Variants in STK3 observed in about 807,000 individuals in gnomAD.
The protein encoded by STK3 is serine/threonine kinase 3, also known as serine/threonine-protein kinase 3.
In STK3, 41 loss-of-function variants were observed where a neutral mutation model predicts 58.0. That is an observed-to-expected ratio of 0.71 (90% CI 0.55 to 0.92). The LOEUF (loss-of-function observed/expected upper bound fraction) is 0.92, where lower values mean the gene tolerates loss of function less well. Ranked by LOEUF, STK3 falls within the 40% of genes least tolerant of loss-of-function variation. The probability of loss-of-function intolerance (pLI) is 0.00; values close to 1 mark genes in which losing one functional copy is unlikely to be tolerated. For missense variants in STK3, 479 were observed against 602.7 expected, an observed-to-expected ratio of 0.79 and a Z score of 2.15; for synonymous variants, 170 against 191.0, an observed-to-expected ratio of 0.89 and a Z score of 0.91.
chr8:98,548,435 T>A (rs1313382286), intron 8 of STK3, among the ~76,000 whole-genome samples: 4 of 152,078 alleles, frequency 2.6e-5, no homozygotes, highest in African/African-American at 9.7e-5. Context: ...ATAGGTAAAC[T>A]ATCAGCAAAT....
At chr8:98,745,847 T>C (rs1216544930) in intron 4 of STK3, among the ~76,000 whole-genome samples, 1 of 152,196 alleles carries the variant, frequency 6.6e-6, no homozygotes, top group Non-Finnish European at 1.5e-5. Context: ...AAAGACATCA[T>C]TAGGCAACTT....
chr8:98,754,808 C>A (rs1830190816), intron 3 of STK3, among the ~76,000 whole-genome samples: 1 of 149,970 alleles, frequency 6.7e-6, no homozygotes, highest in African/African-American at 2.4e-5. Flanking sequence ...CCATGCCCGC[C>A]AAAAAAAAAT....
At chr8:98,910,897 A>G (rs890669913) in intron 1 of STK3, among the ~76,000 whole-genome samples, 6 of 152,160 alleles carry the variant, frequency 3.9e-5, no homozygotes, top group Non-Finnish European at 8.8e-5. Context: ...CCCCAGGGAG[A>G]GCATAGGTGA....
intron 4 of STK3, among the ~76,000 whole-genome samples, chr8:98,739,696 C>A (rs2131300612): frequency 6.7e-6 from 1 of 149,064 alleles, no homozygotes; most frequent in Non-Finnish European, 1.5e-5. Flanking sequence ...GCCTCTCCTC[C>A]TCCAAAGGAA....
At chr8:98,551,222 A>G (rs1811140934) in intron 8 of STK3, among the ~76,000 whole-genome samples, 2 of 152,158 alleles carry the variant, frequency 1.3e-5, no homozygotes, top group Non-Finnish European at 2.9e-5. Flanking sequence ...TTTGTTAATT[A>G]TTCTCTTTTC....
At chr8:98,814,218 T>A (rs1463851542) in intron 1 of STK3, among the ~76,000 whole-genome samples, 2 of 152,090 alleles carry the variant, frequency 1.3e-5, no homozygotes, top group Non-Finnish European at 2.9e-5. Flanking sequence ...TGGCTAATTT[T>A]TTTTGTATTT....
Position 98,588,454 on chromosome 8 carries a change from C to A in STK3, c.822+7578G>T, listed in dbSNP as rs1305148880. 2.0e-4 allele frequency among the ~76,000 whole-genome samples: 30 copies of A among 151,632 alleles called. 1 individual carries two copies. Among genetic ancestry groups the A allele is most frequent in the African/African-American group, 7.0e-4 (29 of 41,302 alleles). ...CACTCTCTTCTGGCTTGTAGGGTTTCTGCTGAGAGATCCGCTGTTAGTCTG... is the reference window on the plus strand; with the variant it reads ...CACTCTCTTCTGGCTTGTAGGGTTTATGCTGAGAGATCCGCTGTTAGTCTG... On this transcript the variant is annotated intron_variant, in intron 7 of 10. Coordinates refer to ENST00000419617, the MANE Select transcript of STK3 (RefSeq NM_006281.4).
chr8:98,470,955 C>T (rs1228393952), intron 10 of STK3, among the ~76,000 whole-genome samples: 2 of 152,146 alleles, frequency 1.3e-5, no homozygotes, highest in Non-Finnish European at 2.9e-5. Context: ...AGCAGTACAA[C>T]AGAATAAAAT....
intron 3 of STK3, among the ~76,000 whole-genome samples, chr8:98,848,975 C>G (rs1045589881): frequency 6.6e-6 from 1 of 152,104 alleles, no homozygotes; most frequent in Admixed American, 6.5e-5. Flanking sequence ...GCCTGTAATC[C>G]TAGCACTTTG....
At chr8:98,909,456 A>G (rs2131976924) in intron 1 of STK3, among the ~76,000 whole-genome samples, 1 of 152,340 alleles carries the variant, frequency 6.6e-6, no homozygotes, top group South Asian at 2.1e-4. Flanking sequence ...GCTTTAAAAC[A>G]TTTTCATCAC....
At chr8:98,650,650 TC>T (rs917672210) in intron 6 of STK3, among the ~76,000 whole-genome samples, 2 of 152,238 alleles carry the variant, frequency 1.3e-5, no homozygotes, top group African/African-American at 2.4e-5. Flanking sequence ...ACTGTGCTTT[TC>T]CGACGGGCTT....
At chr8:98,801,918 T>C (rs1273791169) in intron 1 of STK3, among the ~76,000 whole-genome samples, 3 of 152,184 alleles carry the variant, frequency 2.0e-5, no homozygotes. Context: ...ATACCTGCAA[T>C]TCCAGCACTT....
intron 3 of STK3, chr8:98,413,760 T>G: frequency 1.4e-6 from 1 of 694,884 alleles, no homozygotes; most frequent in Non-Finnish European, 2.7e-6. Flanking sequence ...CCTGACCCCA[T>G]GAGAGGAAGC....
intron 1 of STK3, among the ~76,000 whole-genome samples, chr8:98,903,547 CTT>C (rs1838754785): frequency 3.5e-4 from 8 of 22,670 alleles, no homozygotes; most frequent in South Asian, 2.9e-3. Flanking sequence ...TCTTCTTCTT[CTT>C]CTTCTTCCTT....
chr8:98,562,887 TGAAA>T (rs1812172340), intron 8 of STK3, among the ~76,000 whole-genome samples: 1 of 146,800 alleles, frequency 6.8e-6, no homozygotes, highest in Admixed American at 6.8e-5. Flanking sequence ...GTAGCTTGGG[TGAAA>T]GAGAGAGACC....
At chr8:98,765,673 G>T (rs991548889) in intron 3 of STK3, among the ~76,000 whole-genome samples, 2 of 152,204 alleles carry the variant, frequency 1.3e-5, no homozygotes, top group Non-Finnish European at 2.9e-5. Context: ...CAGCCCTGTT[G>T]TAGCCATGAG....
chr8:98,346,523 T>A, the STK3 span, among the ~76,000 whole-genome samples: 1 of 151,338 alleles, frequency 6.6e-6, no homozygotes, highest in South Asian at 2.1e-4. Context: ...GAAAATAAAA[T>A]TTCATAAAAG....
intron 10 of STK3, among the ~76,000 whole-genome samples, chr8:98,478,558 A>G (rs781733394): frequency 3.3e-5 from 5 of 152,228 alleles, no homozygotes; most frequent in Non-Finnish European, 7.3e-5. Context: ...AAATTTGCAG[A>G]GGGACTTCAG....
At chr8:98,624,483 A>C (rs538559028) in intron 6 of STK3, among the ~76,000 whole-genome samples, 3 of 152,348 alleles carry the variant, frequency 2.0e-5, no homozygotes, top group Admixed American at 6.5e-5. Flanking sequence ...TATACTTATT[A>C]CTATGGGATT....
Sources: gnomAD v4.1 joint callset for allele counts (sites outside exome capture counted in the v4.1 genomes callset) on GRCh38, gnomAD v4.1.1 for gene constraint, MANE v1.5 for transcripts, NCBI Gene and HGNC (gene_info 2026-07-23, HGNC 2026-07-21) for gene names.